Variants in KCNIP4 observed in about 807,000 individuals in gnomAD.
KCNIP4 encodes potassium voltage-gated channel interacting protein 4, also known as Kv channel-interacting protein 4.
A neutral mutation model predicts 34.0 loss-of-function variants in KCNIP4; 12 were observed. That is an observed-to-expected ratio of 0.35 (90% CI 0.23 to 0.57). KCNIP4 has a LOEUF of 0.57. Among genes scored for constraint, KCNIP4 ranks in the 20% least tolerant of loss-of-function variants. KCNIP4 has a pLI of 0.83. For synonymous variants in KCNIP4, 124 were observed against 102.2 expected (o/e 1.21, Z -1.29); for missense variants, 238 against 311.7 (o/e 0.76, Z 1.78).
At chr4:20,983,907 C>G (rs1189441833) in intron 1 of KCNIP4, 1 of 1,536,078 alleles carries the variant, frequency 6.5e-7, no homozygotes, top group Non-Finnish European at 8.7e-7. Flanking sequence ...CCTTCGGACT[C>G]CCACTCCAGA....
chr4:21,078,905 C>A (rs1480699134), intron 1 of KCNIP4, among the ~76,000 whole-genome samples: 1 of 152,074 alleles, frequency 6.6e-6, no homozygotes, highest in Non-Finnish European at 1.5e-5. Flanking sequence ...ACTCTTCTGT[C>A]TAGAAACAGC....
At chr4:21,220,508 T>C (rs1757913138) in intron 1 of KCNIP4, among the ~76,000 whole-genome samples, 2 of 152,070 alleles carry the variant, frequency 1.3e-5, no homozygotes, top group Admixed American at 6.6e-5. Flanking sequence ...TGTATACATA[T>C]GTAACAAACC....
At chr4:20,904,109 A>C (rs1227416704) in intron 1 of KCNIP4, among the ~76,000 whole-genome samples, 1 of 152,058 alleles carries the variant, frequency 6.6e-6, no homozygotes, top group Non-Finnish European at 1.5e-5. Flanking sequence ...TAAAAAGTGA[A>C]AGGAGAATGG....
chr4:20,835,523 T>C (rs1219187847), intron 3 of KCNIP4, among the ~76,000 whole-genome samples: 2 of 152,116 alleles, frequency 1.3e-5, no homozygotes, highest in Non-Finnish European at 1.5e-5. Flanking sequence ...ACCTAAAGTA[T>C]TTTGGGCAGA....
chr4:20,907,763 G>T (rs1727915247), intron 1 of KCNIP4, among the ~76,000 whole-genome samples: 1 of 152,048 alleles, frequency 6.6e-6, no homozygotes, highest in South Asian at 2.1e-4. Context: ...TGTCACCCAG[G>T]CTGGAGTGCA....
chr4:21,320,743 G>T (rs957752375), intron 1 of KCNIP4, among the ~76,000 whole-genome samples: 2 of 152,020 alleles, frequency 1.3e-5, no homozygotes, highest in Admixed American at 1.3e-4. Flanking sequence ...GACCAAGGCG[G>T]GTGGATCACT....
intron 1 of KCNIP4, among the ~76,000 whole-genome samples, chr4:21,093,568 G>C (rs1192916745): frequency 6.6e-6 from 1 of 151,962 alleles, no homozygotes; most frequent in Admixed American, 6.6e-5. Context: ...AAAAAAAATT[G>C]AGAACTCAGT....
intron 1 of KCNIP4, among the ~76,000 whole-genome samples, chr4:21,475,344 A>G (rs907007079): frequency 6.6e-6 from 1 of 152,142 alleles, no homozygotes; most frequent in Non-Finnish European, 1.5e-5. Context: ...TGGGGCTTAG[A>G]GAAGATGTGA....
At chr4:21,494,152 C>T (rs1732647604) in intron 1 of KCNIP4, among the ~76,000 whole-genome samples, 1 of 151,990 alleles carries the variant, frequency 6.6e-6, no homozygotes. Flanking sequence ...GGAATCTGAC[C>T]CAGAGCTGAG....
Position 21,053,042 on chromosome 4 carries a change from T to C in KCNIP4, c.62-170333A>G, listed in dbSNP as rs530685696. Among the ~76,000 whole-genome samples the C allele has an allele frequency of 9.1e-3, 1,379 of 151,468 alleles. 23 individuals carry two copies. The highest frequency in any genetic ancestry group is 0.032 in the African/African-American group (1,306 of 41,130). On this transcript the variant is annotated intron_variant, in intron 1 of 8. Transcript: ENST00000382152. ...ACACACACATACACACACACACATA[T>C]ATATATATATAAATAAAAATCTGAG... is the stretch of plus-strand genomic sequence containing the variant.
intron 1 of KCNIP4, among the ~76,000 whole-genome samples, chr4:21,838,226 A>AAG (rs1207043634): frequency 6.6e-6 from 1 of 152,212 alleles, no homozygotes; most frequent in Non-Finnish European, 1.5e-5. Flanking sequence ...CCCCTGGACT[A>AAG]GCAATAACTA....
intron 1 of KCNIP4, among the ~76,000 whole-genome samples, chr4:21,353,040 CCTGCAGCTGAGGGATCTGA>C (rs2109381251): frequency 6.6e-6 from 1 of 152,294 alleles, no homozygotes; most frequent in South Asian, 2.1e-4. Context: ...CTCCAACAGA[CCTGCAGCTGAGGGATCTGA>C]CTGTTAGAAG....
chr4:21,120,094 G>T (rs76231337), intron 1 of KCNIP4, among the ~76,000 whole-genome samples: 1 of 151,994 alleles, frequency 6.6e-6, no homozygotes, highest in Non-Finnish European at 1.5e-5. Context: ...TCAGGTCAAC[G>T]TGGGGGAGGG....
chr4:21,269,871 C>T (rs1452193978), intron 1 of KCNIP4, among the ~76,000 whole-genome samples: 4 of 152,154 alleles, frequency 2.6e-5, no homozygotes, highest in African/African-American at 4.8e-5. Context: ...GCACAATTCT[C>T]ATTACCTGTA....
intron 1 of KCNIP4, among the ~76,000 whole-genome samples, chr4:21,063,824 AAAGAG>A (rs1343626242): frequency 4.6e-5 from 7 of 152,254 alleles, no homozygotes; most frequent in African/African-American, 1.7e-4. Context: ...GAGGGGAAGT[AAAGAG>A]AAGAGAGAAT....
At chr4:21,537,616 T>C (rs10805228) in intron 1 of KCNIP4, among the ~76,000 whole-genome samples, 54,931 of 151,932 alleles carry the variant, frequency 0.36, 10,300 homozygotes, top group South Asian at 0.55. Flanking sequence ...TAACCTTATT[T>C]GGAAATAGAG....
At chr4:20,779,110 G>A (rs1452952540) in intron 3 of KCNIP4, among the ~76,000 whole-genome samples, 1 of 152,120 alleles carries the variant, frequency 6.6e-6, no homozygotes, top group Admixed American at 6.6e-5. Flanking sequence ...TATACAGGAA[G>A]AATAAGTCAG....
chr4:21,022,756 T>C (rs901883600), intron 1 of KCNIP4, among the ~76,000 whole-genome samples: 10 of 152,224 alleles, frequency 6.6e-5, no homozygotes, highest in African/African-American at 1.9e-4. Context: ...ACAAATTATT[T>C]GTTTCAAATG....
intron 3 of KCNIP4, among the ~76,000 whole-genome samples, chr4:20,825,701 T>G (rs1717675736): frequency 6.6e-6 from 1 of 152,170 alleles, no homozygotes; most frequent in African/African-American, 2.4e-5. Context: ...ATTTGAGATT[T>G]ATTACCAGAG....
Sources: allele counts gnomAD v4.1 joint callset (sites outside exome capture counted in the v4.1 genomes callset), GRCh38; gene constraint gnomAD v4.1.1; transcripts MANE v1.5; gene names NCBI Gene and HGNC (gene_info 2026-07-23, HGNC 2026-07-21).